The following AKAP6 variants were observed in gnomAD, a reference collection of about 807,000 sequenced individuals.
AKAP6 encodes the protein A-kinase anchoring protein 6, also known as A-kinase anchor protein 6.
Under a neutral mutation model 188.5 loss-of-function variants are expected in AKAP6, and 58 were observed. The ratio of observed to expected loss-of-function variants is 0.31; its 90% confidence interval spans 0.25 to 0.38. The LOEUF is 0.38. AKAP6 is among the 10% of genes least tolerant of loss of function. AKAP6 has a pLI of 1.00. For missense variants in AKAP6, 2,710 were observed against 2,740.0 expected, an observed-to-expected ratio of 0.99 and a Z score of 0.24; for synonymous variants, 989 against 998.6, an observed-to-expected ratio of 0.99 and a Z score of 0.18.
chr14:32,745,770 A>G (rs983917735), intron 11 of AKAP6, among the ~76,000 whole-genome samples: 3 of 152,142 alleles, frequency 2.0e-5, no homozygotes, highest in Non-Finnish European at 4.4e-5. Context: ...AAGTTCTCCC[A>G]GGCCCCTGTT....
chr14:32,749,060 CAA>C (rs1471454472), intron 11 of AKAP6, among the ~76,000 whole-genome samples: 1 of 152,146 alleles, frequency 6.6e-6, no homozygotes, highest in African/African-American at 2.4e-5. Flanking sequence ...ACTTTTACTA[CAA>C]CATGATTCTT....
At chr14:32,352,558 C>T (rs1448101434) in intron 1 of AKAP6, among the ~76,000 whole-genome samples, 1 of 152,148 alleles carries the variant, frequency 6.6e-6, no homozygotes, top group Non-Finnish European at 1.5e-5. Context: ...CTCCATCTCT[C>T]CCTCCCTCTC....
At chr14:32,788,318 T>C (rs2033493694) in intron 12 of AKAP6, among the ~76,000 whole-genome samples, 2 of 152,128 alleles carry the variant, frequency 1.3e-5, no homozygotes, top group Non-Finnish European at 2.9e-5. Flanking sequence ...ATCTGTAAGA[T>C]AGAGATAACA....
At chr14:32,609,863 TCTCTC>T in intron 7 of AKAP6, among the ~76,000 whole-genome samples, 1 of 124,512 alleles carries the variant, frequency 8.0e-6, no homozygotes, top group African/African-American at 4.1e-5. Context: ...GAGGTCTCTC[TCTCTC>T]TCTCTCTCTC....
chr14:32,416,958 A>T (rs1298235615), intron 1 of AKAP6, among the ~76,000 whole-genome samples: 1 of 152,206 alleles, frequency 6.6e-6, no homozygotes, highest in Non-Finnish European at 1.5e-5. Flanking sequence ...CTCATGCCTC[A>T]GCATCTCGAG....
intron 9 of AKAP6, among the ~76,000 whole-genome samples, chr14:32,701,198 T>C (rs571710127): frequency 7.2e-5 from 11 of 152,216 alleles, no homozygotes; most frequent in African/African-American, 2.6e-4. Context: ...GAAAATAATA[T>C]AAATATTTTA....
intron 1 of AKAP6, among the ~76,000 whole-genome samples, chr14:32,349,610 TAAC>T (rs1310230315): frequency 1.3e-5 from 2 of 152,136 alleles, no homozygotes; most frequent in African/African-American, 2.4e-5. Context: ...ATAAAAATAA[TAAC>T]AATGATGGAT....
chr14:32,521,813 T>C (rs1292908272), intron 2 of AKAP6, among the ~76,000 whole-genome samples: 1 of 152,192 alleles, frequency 6.6e-6, no homozygotes, highest in Non-Finnish European at 1.5e-5. Flanking sequence ...CCAATGACTT[T>C]CTTCACAGAA....
At chr14:32,695,964 T>A in intron 8 of AKAP6, 26 bp from the exon 9 acceptor site, 3 of 1,607,690 alleles carry the variant, frequency 1.9e-6, no homozygotes, top group Non-Finnish European at 2.5e-6. Flanking sequence ...TATTTATGCA[T>A]ACTACATTTT....
intron 9 of AKAP6, among the ~76,000 whole-genome samples, chr14:32,712,822 G>T (rs1291469283): frequency 6.6e-6 from 1 of 152,098 alleles, no homozygotes; most frequent in African/African-American, 2.4e-5. Flanking sequence ...ATCCATAAGG[G>T]TTGGAATCAA....
chr14:32,471,661 C>G (rs967112320), intron 2 of AKAP6, among the ~76,000 whole-genome samples: 6 of 152,322 alleles, frequency 3.9e-5, no homozygotes, highest in Admixed American at 6.5e-5. Flanking sequence ...CCTGTACCCC[C>G]CACCAGGGCT....
At chr14:32,533,566 GGAAGTGTACA>G (rs1882530061) in intron 2 of AKAP6, among the ~76,000 whole-genome samples, 1 of 152,156 alleles carries the variant, frequency 6.6e-6, no homozygotes, top group Non-Finnish European at 1.5e-5. Flanking sequence ...CAGAATGGGG[GGAAGTGTACA>G]GAATTTGGAA....
intron 2 of AKAP6, among the ~76,000 whole-genome samples, chr14:32,460,056 CA>C (rs926472001): frequency 2.6e-5 from 4 of 151,760 alleles, no homozygotes; most frequent in African/African-American, 7.3e-5. Context: ...TTAGTCTTGC[CA>C]AAAAAGAAAG....
At chr14:32,630,537 T>C (rs1235221830) in intron 7 of AKAP6, among the ~76,000 whole-genome samples, 1 of 152,066 alleles carries the variant, frequency 6.6e-6, no homozygotes, top group African/African-American at 2.4e-5. Flanking sequence ...GGAGATACTT[T>C]TGGACCAGAG....
chr14:32,685,742 A>G (rs1018621354), intron 8 of AKAP6, among the ~76,000 whole-genome samples: 395 of 151,690 alleles, frequency 2.6e-3, no homozygotes, highest in Non-Finnish European at 4.9e-3. Context: ...AAAAAAAAAA[A>G]AAGAGGTCTG....
chr14:32,396,209 A>C (rs1365212482), intron 1 of AKAP6, among the ~76,000 whole-genome samples: 2 of 152,026 alleles, frequency 1.3e-5, no homozygotes, highest in East Asian at 1.9e-4. Context: ...AATATGATAA[A>C]TTTCACTCCA....
At chr14:32,337,453 T>C (rs1027324730) in intron 1 of AKAP6, among the ~76,000 whole-genome samples, 1 of 152,126 alleles carries the variant, frequency 6.6e-6, no homozygotes, top group Non-Finnish European at 1.5e-5. Flanking sequence ...CAATAAAAAC[T>C]ACCACAAAAA....
At chr14:32,497,705 T>A (rs1166111925) in intron 2 of AKAP6, among the ~76,000 whole-genome samples, 2 of 151,948 alleles carry the variant, frequency 1.3e-5, no homozygotes, top group Non-Finnish European at 2.9e-5. Flanking sequence ...TATATATATT[T>A]TTTTCCAATC....
chr14:32,731,226 G>T (rs2031159355), intron 9 of AKAP6, among the ~76,000 whole-genome samples: 1 of 152,136 alleles, frequency 6.6e-6, no homozygotes, highest in Non-Finnish European at 1.5e-5. Context: ...GAAGCTAAAA[G>T]TATGCAAACA....
Sources: gnomAD v4.1 joint callset for allele counts (sites outside exome capture counted in the v4.1 genomes callset) on GRCh38, gnomAD v4.1.1 for gene constraint, MANE v1.5 for transcripts, NCBI Gene and HGNC (gene_info 2026-07-23, HGNC 2026-07-21) for gene names.